The following TMEM272 variants were observed in gnomAD, a reference collection of about 807,000 sequenced individuals.
The protein encoded by TMEM272 is transmembrane protein 272, also known as long intergenic non-protein coding RNA 282.
A neutral mutation model predicts 3.7 loss-of-function variants in TMEM272; 8 were observed. The ratio of observed to expected loss-of-function variants is 2.17; its 90% CI spans 1.27 to 3.91. The LOEUF (loss-of-function observed/expected upper bound fraction) is 3.91, where lower values mean the gene tolerates loss of function less well. Among genes scored for constraint, TMEM272 ranks in the 30% most tolerant of loss-of-function variants. The pLI, the probability that TMEM272 is intolerant of heterozygous loss-of-function variation, is 0.00. For missense variants in TMEM272, 166 were observed against 91.5 expected (o/e 1.81, Z -3.32); for synonymous variants, 63 against 39.8 (o/e 1.58, Z -2.20).
chr13:51,819,472 G>C (rs1342276509), intron 4 of TMEM272, among the ~76,000 whole-genome samples: 1 of 152,200 alleles, frequency 6.6e-6, no homozygotes. Flanking sequence ...CCCAGGACTG[G>C]TTCTTGGCTA....
chr13:51,900,975 T>C, the TMEM272 span, among the ~76,000 whole-genome samples: 1 of 152,218 alleles, frequency 6.6e-6, no homozygotes, highest in African/African-American at 2.4e-5. Flanking sequence ...GCATGACTCC[T>C]AATGAGTACA....
chr13:51,817,302 A>G (rs1157478325), intron 4 of TMEM272, among the ~76,000 whole-genome samples, 189 bp from the exon 5 acceptor site: 1 of 152,218 alleles, frequency 6.6e-6, no homozygotes, highest in Non-Finnish European at 1.5e-5. Flanking sequence ...TAATTTGAAG[A>G]ATAAGAATTA....
At chr13:51,874,530 G>C in the TMEM272 span, among the ~76,000 whole-genome samples, 1 of 152,126 alleles carries the variant, frequency 6.6e-6, no homozygotes, top group Non-Finnish European at 1.5e-5. Flanking sequence ...TGAGGCCACA[G>C]TAGGCGCTTC....
chr13:51,917,023 G>A, the TMEM272 span, among the ~76,000 whole-genome samples: 12 of 152,278 alleles, frequency 7.9e-5, no homozygotes, highest in East Asian at 3.9e-4. Flanking sequence ...GTAAGGCCCC[G>A]TTAACGCTAA....
rs368085969 is a variant in TMEM272 at position 51,840,025 on chromosome 13, C to T, written c.-23-1472G>A. ...TCACCAGCGCCCTGCCAAGGTCTTCCACATGTTACCTAATTTAGTCTCCTC... is the reference window on the plus strand; with the variant it reads ...TCACCAGCGCCCTGCCAAGGTCTTCTACATGTTACCTAATTTAGTCTCCTC... On this transcript the variant is annotated intron_variant, in intron 1 of 4. Coordinates refer to ENST00000629372, the MANE Select transcript of TMEM272 (RefSeq NM_001351003.2). Among the ~76,000 whole-genome samples, 103 of 152,316 alleles carry T rather than the reference C, an allele frequency of 6.8e-4. No homozygotes were observed. In the South Asian group the frequency reaches 0.02, roughly 30 times the overall value.
At chr13:51,920,716 A>G in the TMEM272 span, among the ~76,000 whole-genome samples, 1 of 152,138 alleles carries the variant, frequency 6.6e-6, no homozygotes, top group Non-Finnish European at 1.5e-5. Flanking sequence ...CAGTGTCTTC[A>G]TGGCACTTTC....
chr13:51,913,190 T>C, the TMEM272 span, among the ~76,000 whole-genome samples: 8 of 152,150 alleles, frequency 5.3e-5, no homozygotes, highest in Non-Finnish European at 1.2e-4. Flanking sequence ...CTCCCCCTAC[T>C]CTTAGACATC....
At chr13:51,869,515 A>T in the TMEM272 span, among the ~76,000 whole-genome samples, 1 of 140,404 alleles carries the variant, frequency 7.1e-6, no homozygotes, top group Non-Finnish European at 1.5e-5. Context: ...TTTGAGATGG[A>T]GTCTCGCCCT....
the TMEM272 span, among the ~76,000 whole-genome samples, chr13:51,851,983 G>A: frequency 2.0e-5 from 3 of 152,190 alleles, no homozygotes; most frequent in African/African-American, 4.8e-5. Flanking sequence ...CTGTAATTGT[G>A]TACATGTACC....
intron 2 of TMEM272, among the ~76,000 whole-genome samples, chr13:51,828,374 C>T (rs1956145295): frequency 6.6e-6 from 1 of 152,206 alleles, no homozygotes; most frequent in Non-Finnish European, 1.5e-5. Context: ...GTGCACACCA[C>T]CAAACGCCAG....
intron 1 of TMEM272, among the ~76,000 whole-genome samples, chr13:51,843,759 C>T (rs1359196110): frequency 6.6e-6 from 1 of 152,214 alleles, no homozygotes; most frequent in Non-Finnish European, 1.5e-5. Context: ...TCACACCTGC[C>T]TCTGCACCTA....
At chr13:51,908,943 C>T in the TMEM272 span, 2 of 1,371,682 alleles carry the variant, frequency 1.5e-6, no homozygotes, top group African/African-American at 1.4e-5. Context: ...CAGAGGATTC[C>T]CTGGGCCTCT....
At chr13:51,854,608 G>T in the TMEM272 span, among the ~76,000 whole-genome samples, 1 of 152,114 alleles carries the variant, frequency 6.6e-6, no homozygotes, top group African/African-American at 2.4e-5. Flanking sequence ...AACTGCCTTG[G>T]TTCAAATCTA....
At chr13:51,888,639 C>CTTTTTTTTTTTTTTTTTTTTTT in the TMEM272 span, among the ~76,000 whole-genome samples, 16 of 76,792 alleles carry the variant, frequency 2.1e-4, no homozygotes, top group Non-Finnish European at 3.1e-4. Context: ...TTTTCTTTTT[C>CTTTTTTTTTTTTTTTTTTTTTT]TTTTTTTTTT....
At chr13:51,909,691 C>T in the TMEM272 span, 1 of 1,554,830 alleles carries the variant, frequency 6.4e-7, no homozygotes. Context: ...TTCAAAGCTC[C>T]TTTTGGAGGA....
intron 2 of TMEM272, among the ~76,000 whole-genome samples, chr13:51,834,242 CTG>C (rs2139575823): frequency 6.6e-6 from 1 of 152,336 alleles, no homozygotes; most frequent in South Asian, 2.1e-4. Flanking sequence ...TACTACTAAA[CTG>C]TGTCCTGGAA....
chr13:51,922,945 C>T, the TMEM272 span, among the ~76,000 whole-genome samples: 1 of 152,230 alleles, frequency 6.6e-6, no homozygotes, highest in South Asian at 2.1e-4. Flanking sequence ...ATCCTCTTGC[C>T]ATGTCAAGAC....
the TMEM272 span, among the ~76,000 whole-genome samples, chr13:51,915,663 G>A: frequency 2.0e-5 from 3 of 152,210 alleles, no homozygotes; most frequent in Non-Finnish European, 4.4e-5. Flanking sequence ...CTGGGTCCTG[G>A]AAGTCATTCC....
chr13:51,888,171 A>G, the TMEM272 span, among the ~76,000 whole-genome samples: 2 of 151,384 alleles, frequency 1.3e-5, no homozygotes, highest in East Asian at 3.9e-4. Context: ...TCAGCCTCCC[A>G]AGTAGCTGGG....
Sources: allele counts gnomAD v4.1 joint callset (sites outside exome capture counted in the v4.1 genomes callset), GRCh38; gene constraint gnomAD v4.1.1; transcripts MANE v1.5; gene names NCBI Gene and HGNC (gene_info 2026-07-23, HGNC 2026-07-21).